Variants in PARD3B observed in about 807,000 individuals in gnomAD.
PARD3B encodes the protein partitioning defective 3 homolog B.
In PARD3B, 103 loss-of-function variants were observed where a neutral mutation model predicts 130.2. The ratio of observed to expected loss-of-function variants is 0.79; its 90% CI spans 0.67 to 0.93. The LOEUF (loss-of-function observed/expected upper bound fraction) is 0.93, where lower values mean the gene tolerates loss of function less well. Ranked by LOEUF, PARD3B falls within the 40% of genes least tolerant of loss-of-function variation. PARD3B has a pLI of 0.00. For missense variants in PARD3B, 1,609 were observed against 1,499.2 expected (o/e 1.07, Z -1.21); for synonymous variants, 583 against 553.2 (o/e 1.05, Z -0.76).
intron 22 of PARD3B, among the ~76,000 whole-genome samples, chr2:205,566,567 G>A (rs966853566): frequency 6.6e-6 from 1 of 152,156 alleles, no homozygotes; most frequent in African/African-American, 2.4e-5. Context: ...GGCAGGGAGA[G>A]ATCATGGTTA....
At chr2:205,396,527 A>G (rs2046036382) in intron 18 of PARD3B, among the ~76,000 whole-genome samples, 1 of 152,248 alleles carries the variant, frequency 6.6e-6, no homozygotes, top group Non-Finnish European at 1.5e-5. Context: ...CTTATAATTC[A>G]TGAACATCTA....
chr2:204,997,530 G>C (rs546703016), intron 3 of PARD3B, among the ~76,000 whole-genome samples: 5 of 150,316 alleles, frequency 3.3e-5, no homozygotes, highest in Admixed American at 1.3e-4. Context: ...AAAATGTTTT[G>C]TTTCTGTTTG....
At chr2:204,744,801 GA>G (rs2040148791) in intron 2 of PARD3B, among the ~76,000 whole-genome samples, 1 of 152,108 alleles carries the variant, frequency 6.6e-6, no homozygotes, top group Admixed American at 6.6e-5. Context: ...GAACCATGAG[GA>G]AATTAAAGAA....
intron 20 of PARD3B, among the ~76,000 whole-genome samples, chr2:205,475,138 G>T (rs1041268026): frequency 6.6e-6 from 1 of 151,986 alleles, no homozygotes; most frequent in Admixed American, 6.6e-5. Context: ...TATCTACTTG[G>T]ACCTTGTTTT....
intron 18 of PARD3B, among the ~76,000 whole-genome samples, chr2:205,313,442 G>T (rs1052878741): frequency 6.6e-6 from 1 of 152,180 alleles, no homozygotes; most frequent in African/African-American, 2.4e-5. Context: ...AAATGTACAG[G>T]AACCTTGTTT....
At position 205,251,021 on chromosome 2, in the gene PARD3B, G is replaced by C. The variant is rs1302821851; in HGVS notation, c.2185+5199G>C. Among the ~76,000 whole-genome samples the C allele has an allele frequency of 2.6e-5, 4 of 152,190 alleles. 1 individual carries two copies. The highest frequency in any genetic ancestry group is 5.9e-5 in the Non-Finnish European group (4 of 68,020). On this transcript the variant is annotated intron_variant, in intron 16 of 22. Coordinates refer to ENST00000406610, the MANE Select transcript of PARD3B (RefSeq NM_001302769.2). ...ATGAACCCCAGCATTGTATGGTGGA[G>C]CTTATGCTTTGGGGCAATTTATATT...
intron 22 of PARD3B, among the ~76,000 whole-genome samples, chr2:205,577,894 C>T (rs189621546): frequency 4.6e-5 from 7 of 152,270 alleles, no homozygotes; most frequent in African/African-American, 1.7e-4. Flanking sequence ...AAAGTTGTTT[C>T]CGTATTTTAT....
At chr2:205,588,494 T>C (rs2054275217) in intron 22 of PARD3B, among the ~76,000 whole-genome samples, 1 of 152,184 alleles carries the variant, frequency 6.6e-6, no homozygotes, top group Non-Finnish European at 1.5e-5. Context: ...ATGTTTTTTT[T>C]TCAAGTGTGA....
At chr2:205,545,237 CT>C (rs766666931) in intron 21 of PARD3B, among the ~76,000 whole-genome samples, 1 of 152,134 alleles carries the variant, frequency 6.6e-6, no homozygotes, top group Non-Finnish European at 1.5e-5. Context: ...GAGCATTTCC[CT>C]TAGTTCCCCT....
intron 2 of PARD3B, among the ~76,000 whole-genome samples, chr2:204,698,645 A>G (rs1411030614): frequency 6.6e-6 from 1 of 151,930 alleles, no homozygotes; most frequent in Non-Finnish European, 1.5e-5. Flanking sequence ...TCATTACTTC[A>G]AAAATTATGT....
intron 20 of PARD3B, among the ~76,000 whole-genome samples, chr2:205,486,674 G>A (rs2049454918): frequency 6.6e-6 from 1 of 151,966 alleles, no homozygotes; most frequent in Non-Finnish European, 1.5e-5. Flanking sequence ...GGTAGGGGAG[G>A]AAAGGCGCTA....
intron 3 of PARD3B, among the ~76,000 whole-genome samples, chr2:204,998,977 G>C (rs1473764550): frequency 6.6e-6 from 1 of 152,186 alleles, no homozygotes; most frequent in Non-Finnish European, 1.5e-5. Flanking sequence ...TTACAGGCGT[G>C]AGGCACCATG....
intron 18 of PARD3B, among the ~76,000 whole-genome samples, chr2:205,314,067 C>G (rs1039763418): frequency 6.6e-6 from 1 of 152,004 alleles, no homozygotes; most frequent in African/African-American, 2.4e-5. Context: ...TACATTGTTC[C>G]GTGTCCAGGT....
intron 2 of PARD3B, among the ~76,000 whole-genome samples, chr2:204,820,112 ATT>A (rs1321849336): frequency 9.8e-6 from 1 of 101,732 alleles, no homozygotes; most frequent in Non-Finnish European, 1.8e-5. Flanking sequence ...TGTCACTCTT[ATT>A]GCCCAGGCTG....
chr2:205,292,392 C>T lies in PARD3B; in HGVS notation c.2186-8138C>T, dbSNP rs998461146. Among the ~76,000 whole-genome samples, 1 of 152,118 alleles carries T rather than the reference C, an allele frequency of 6.6e-6. No individual in the cohort carries two copies. The highest frequency in any genetic ancestry group is 1.5e-5 in the Non-Finnish European group (1 of 68,022). On this transcript the variant is annotated intron_variant, in intron 16 of 22. Transcript: ENST00000406610. This position sits in a 1 kb window ranked among gnomAD's most constrained non-coding sequence, Gnocchi z 5.3. ...TGTCAGCACCTTGATCTTGAACTTC[C>T]CAGCCTCCAGAACTGCGAGAAAATT...
intron 2 of PARD3B, among the ~76,000 whole-genome samples, chr2:204,740,816 C>A (rs1165703806): frequency 6.6e-6 from 1 of 152,140 alleles, no homozygotes; most frequent in Non-Finnish European, 1.5e-5. Context: ...AAAAGTTAAT[C>A]TAAAAATCTT....
At chr2:204,896,411 T>C (rs2046641809) in intron 2 of PARD3B, among the ~76,000 whole-genome samples, 1 of 152,204 alleles carries the variant, frequency 6.6e-6, no homozygotes, top group South Asian at 2.1e-4. Context: ...GGAGTTAAGC[T>C]ACCTGGGCTT....
intron 4 of PARD3B, among the ~76,000 whole-genome samples, chr2:205,053,482 C>CA (rs964418160): frequency 2.4e-4 from 36 of 151,194 alleles, no homozygotes; most frequent in East Asian, 1.8e-3. Context: ...ACTAAAAATA[C>CA]AAAAAAAATT....
At chr2:204,643,532 A>T (rs1262046441) in intron 1 of PARD3B, among the ~76,000 whole-genome samples, 3 of 152,196 alleles carry the variant, frequency 2.0e-5, no homozygotes, top group Admixed American at 6.5e-5. Flanking sequence ...TCATGGGGCC[A>T]CATGCAACGC....
Sources: allele counts gnomAD v4.1 joint callset (sites outside exome capture counted in the v4.1 genomes callset), GRCh38; gene constraint gnomAD v4.1.1; non-coding constraint Gnocchi (gnomAD v3.1); transcripts MANE v1.5; gene names NCBI Gene and HGNC (gene_info 2026-07-23, HGNC 2026-07-21).